Variants in MYLK3 observed in about 807,000 individuals in gnomAD.
MYLK3 encodes the protein MLC kinase.
MYLK3 carries 55 observed loss-of-function variants against 76.3 expected under a neutral mutation model. The ratio of observed to expected loss-of-function variants is 0.72; its 90% CI spans 0.58 to 0.90. The LOEUF (loss-of-function observed/expected upper bound fraction) is 0.90, where lower values mean the gene tolerates loss of function less well. MYLK3 is among the 40% of genes least tolerant of loss of function. MYLK3 has a pLI of 0.00. For missense variants in MYLK3, 973 were observed against 1,053.6 expected (o/e 0.92, Z 1.06); for synonymous variants, 416 against 425.4 (o/e 0.98, Z 0.27).
At chr16:46,734,271 G>T (rs865786391) in intron 3 of MYLK3, among the ~76,000 whole-genome samples, 1 of 152,172 alleles carries the variant, frequency 6.6e-6, no homozygotes, top group Non-Finnish European at 1.5e-5. Context: ...CTACAGCATC[G>T]ATGGACCCTG....
intron 8 of MYLK3, among the ~76,000 whole-genome samples, 177 bp from the exon 9 acceptor site, chr16:46,721,370 T>C (rs1211417292): frequency 2.0e-5 from 3 of 152,084 alleles, no homozygotes; most frequent in East Asian, 1.9e-4. Flanking sequence ...ACAATAAGGA[T>C]TGGTGTAGAG....
rs1966584764 is a variant in MYLK3, at chr16:46,702,548, T to C, written c.*5156A>G. ...ATTCATAATCTAAATGTCTCAAAAA[T>C]ATCTTTTTATTGCTTGCTCAAATCA... On this transcript the variant is annotated 3_prime_UTR_variant, in exon 13 of 13. Transcript: ENST00000394809. Among the ~76,000 whole-genome samples the C allele has an allele frequency of 6.6e-6, 1 of 152,212 alleles. No homozygotes were observed. Among genetic ancestry groups the C allele is most frequent in the South Asian group, 2.1e-4 (1 of 4,834 alleles).
upstream of MYLK3, among the ~76,000 whole-genome samples, chr16:46,751,951 G>C (rs189147479): frequency 4.6e-5 from 7 of 152,316 alleles, no homozygotes; most frequent in East Asian, 9.7e-4. Flanking sequence ...GGGTGATGGT[G>C]CTTGCCCAGA....
At chr16:46,708,263 T>C (rs1966647610) in intron 12 of MYLK3, among the ~76,000 whole-genome samples, 1 of 152,170 alleles carries the variant, frequency 6.6e-6, no homozygotes, top group Non-Finnish European at 1.5e-5. Flanking sequence ...CCTAGAACAG[T>C]GTCTTATTTT....
At chr16:46,737,361 CTACTGTTAG>C (rs1449381997) in intron 3 of MYLK3, among the ~76,000 whole-genome samples, 1 of 152,214 alleles carries the variant, frequency 6.6e-6, no homozygotes, top group Non-Finnish European at 1.5e-5. Flanking sequence ...CATCTTTTAG[CTACTGTTAG>C]TACTGATCTA....
At chr16:46,741,464 TG>T (rs1391463432) in intron 1 of MYLK3, among the ~76,000 whole-genome samples, 1 of 152,224 alleles carries the variant, frequency 6.6e-6, no homozygotes, top group African/African-American at 2.4e-5. Context: ...TATTTCCAGA[TG>T]GTCTGACCTC....
At chr16:46,708,350 A>G (rs908705208) in intron 12 of MYLK3, among the ~76,000 whole-genome samples, 3 of 152,248 alleles carry the variant, frequency 2.0e-5, no homozygotes, top group Non-Finnish European at 2.9e-5. Context: ...GCAATGGGTC[A>G]TGAAATCAAA....
At chr16:46,721,945 A>C (rs1396381404) in intron 8 of MYLK3, among the ~76,000 whole-genome samples, 1 of 152,194 alleles carries the variant, frequency 6.6e-6, no homozygotes, top group Non-Finnish European at 1.5e-5. Flanking sequence ...CAATTACATC[A>C]GAACCTCTGG....
chr16:46,747,712 C>T lies in MYLK3; in HGVS notation c.477+5G>A. 6.2e-7 allele frequency: 1 copy of T among 1,608,848 alleles called. No homozygotes were observed. The highest frequency in any genetic ancestry group is 8.5e-7 in the Non-Finnish European group (1 of 1,176,760). On this transcript the variant is annotated splice_donor_5th_base_variant and intron_variant, in intron 1 of 12. Coordinates refer to ENST00000394809, the MANE Select transcript of MYLK3 (RefSeq NM_182493.3). ...TCCAGCCAGGGCAGGGAAGCAGGAA[C>T]CAACCTCCTCAGGGCTGTCACCTGG...
At chr16:46,726,687 AAGAAAG>A (rs1966841782) in intron 8 of MYLK3, 1 of 145,846 alleles carries the variant, frequency 6.9e-6, no homozygotes, top group South Asian at 2.2e-4. Flanking sequence ...GAAAGAAAGA[AAGAAAG>A]AAAGAAAGAA....
At chr16:46,745,583 A>C (rs554622281) in intron 1 of MYLK3, among the ~76,000 whole-genome samples, 4 of 152,220 alleles carry the variant, frequency 2.6e-5, no homozygotes, top group Admixed American at 2.6e-4. Context: ...ATCTCTACTA[A>C]AAATACAAAA....
At chr16:46,715,078 G>A (rs189673519) in intron 9 of MYLK3, among the ~76,000 whole-genome samples, 161 of 152,284 alleles carry the variant, frequency 1.1e-3, no homozygotes, top group African/African-American at 3.6e-3. Context: ...ATAGAGACAC[G>A]ATGGGCAGAA....
rs1460764354 is a variant in MYLK3, at chr16:46,705,802, C to A, written c.*1902G>T. 1 of 151,994 alleles carries A rather than the reference C, an allele frequency of 6.6e-6. No homozygotes were observed. The highest frequency in any genetic ancestry group is 1.9e-4 in the East Asian group (1 of 5,186). The allele number at this position is 151,994 out of a possible 1,614,324, so 9.4% of individuals were successfully genotyped here. A position where few individuals can be genotyped will look rare whatever the true frequency, so the allele number is the denominator to read the frequency against. On this transcript the variant is annotated 3_prime_UTR_variant, in exon 13 of 13. Transcript: ENST00000394809. Reference sequence around the variant, plus strand: ...TTGAGCTCAAGACCAGGTTGGGCAACATGGCAAAACCCTATCTCCACTAAA... The same window carrying A: ...TTGAGCTCAAGACCAGGTTGGGCAAAATGGCAAAACCCTATCTCCACTAAA...
chr16:46,707,742 C>T lies in MYLK3; in HGVS notation c.2422G>A (p.Ala808Thr). 2 of 1,612,748 alleles carry T rather than the reference C, an allele frequency of 1.2e-6. No individual in the cohort carries two copies. Among genetic ancestry groups the T allele is most frequent in the Non-Finnish European group, 1.7e-6 (2 of 1,178,916 alleles). Residue 808 changes from alanine to threonine, a missense_variant, in exon 13 of 13, where the codon GCT (alanine) becomes ACT (threonine). By Grantham distance (58) the Ala-to-Thr change is moderately conservative (BLOSUM62 0). This residue lies in a region of MYLK3 where 332 missense variants were observed against 416.6 expected (regional missense o/e 0.80). Transcript: ENST00000394809. Reference sequence around the variant, plus strand: ...GGAAATTTCCTTAACCTGTTGGCAGCAGTCACCACATAGAAATGTTTCTTG... The same window carrying T: ...GGAAATTTCCTTAACCTGTTGGCAGTAGTCACCACATAGAAATGTTTCTTG... ...KWKKHFYVVT[A>T]ANRLRKFPTS...
chr16:46,718,573 G>A (rs1371096496), intron 9 of MYLK3, among the ~76,000 whole-genome samples: 2 of 152,220 alleles, frequency 1.3e-5, no homozygotes, highest in Non-Finnish European at 2.9e-5. Flanking sequence ...TCAGGCGCGC[G>A]GCTCTGCATC....
rs1966595156 is a variant in MYLK3 at position 46,703,372 on chromosome 16, TGAAA to T, written c.*4328_*4331del. ...AATTTCTAGAAATAAAATTTCTGGA[TGAAA>T]GAAAGCATGGGAATGACTTTTATTT... is the stretch of plus-strand genomic sequence containing the variant. On this transcript the variant is annotated 3_prime_UTR_variant, in exon 13 of 13. Transcript: ENST00000394809. 2 of 152,322 alleles carry T rather than the reference TGAAA, an allele frequency of 1.3e-5. No individual in the cohort carries two copies. The highest frequency in any genetic ancestry group is 4.1e-4 in the South Asian group (2 of 4,830). 9.4% of individuals were successfully genotyped at this position (152,322 alleles called of 1,614,324 possible).
intron 8 of MYLK3, among the ~76,000 whole-genome samples, chr16:46,725,339 A>AT (rs1334224612): frequency 1.3e-5 from 2 of 152,204 alleles, no homozygotes; most frequent in Non-Finnish European, 2.9e-5. Flanking sequence ...GCAAGAACAG[A>AT]TATCCTTGTC....
In MYLK3 at chr16:46,740,110, T is replaced by A. The variant is rs1245646992; in HGVS notation, c.515A>T (p.Lys172Met). 1.2e-6 allele frequency: 2 copies of A among 1,613,860 alleles called. No individual in the cohort carries two copies. Residue 172 changes from lysine to methionine, a missense_variant, in exon 2 of 13, where the codon AAG becomes ATG. Around this residue, in one of 2 missense-constraint regions of MYLK3, gnomAD observed 641 missense variants for 637.0 expected, o/e 1.01. Coordinates refer to ENST00000394809, the MANE Select transcript of MYLK3 (RefSeq NM_182493.3). ...ERVEEEGGKP[K>M]HVLSTSGVQS... ...CACCCCACTGGTGCTCAGCACATGC[T>A]TTGGTTTTCCTCCCTCTTCTTCCAC...
chr16:46,734,518 G>A (rs969455903), intron 3 of MYLK3, among the ~76,000 whole-genome samples: 7 of 152,184 alleles, frequency 4.6e-5, no homozygotes, highest in African/African-American at 1.7e-4. Flanking sequence ...GGAGGCTGAG[G>A]GAGGAGAATA....
Sources: gnomAD v4.1 joint callset for allele counts (sites outside exome capture counted in the v4.1 genomes callset) on GRCh38, gnomAD v4.1.1 for gene constraint, gnomAD v4.1.1 regional missense constraint, MANE v1.5 for transcripts, NCBI Gene and HGNC (gene_info 2026-07-23, HGNC 2026-07-21) for gene names.